The following KBTBD12 variants were observed in gnomAD, a reference collection of about 807,000 sequenced individuals.
KBTBD12 encodes kelch repeat and BTB domain containing 12.
A neutral mutation model predicts 58.7 loss-of-function variants in KBTBD12; 53 were observed. The ratio of observed to expected loss-of-function variants is 0.90; its 90% CI spans 0.72 to 1.14. KBTBD12 has a LOEUF of 1.14. Ranked by LOEUF, KBTBD12 falls within the 50% of genes most tolerant of loss-of-function variation. The probability of loss-of-function intolerance (pLI) is 0.00; values close to 1 mark genes in which losing one functional copy is unlikely to be tolerated. For missense variants in KBTBD12, 704 were observed against 751.3 expected (o/e 0.94, Z 0.74); for synonymous variants, 236 against 259.8 (o/e 0.91, Z 0.88).
At chr3:127,976,822 T>C (rs1006375388) in intron 5 of KBTBD12, among the ~76,000 whole-genome samples, 1 of 152,204 alleles carries the variant, frequency 6.6e-6, no homozygotes, top group South Asian at 2.1e-4. Flanking sequence ...GGACCTCTGT[T>C]CTTTTTGTGT....
intron 5 of KBTBD12, among the ~76,000 whole-genome samples, chr3:127,974,238 A>G (rs1940735636): frequency 6.6e-6 from 1 of 152,206 alleles, no homozygotes; most frequent in Non-Finnish European, 1.5e-5. Flanking sequence ...CACCAAAGCA[A>G]AGAAAGAAAA....
At position 127,963,369 on chromosome 3, in the gene KBTBD12, G is replaced by A. The variant is rs747694991; in HGVS notation, c.1673G>A (p.Gly558Glu). The A allele has an allele frequency of 6.2e-7, 1 of 1,610,184 alleles. No homozygotes were observed. The highest frequency in any genetic ancestry group is 1.7e-5 in the Admixed American group (1 of 59,536). Residue 558 changes from glycine (G) to glutamate (E), a missense_variant, in exon 5 of 6, where the codon GGG becomes GAG. Gly to Glu is a moderately conservative substitution (Grantham distance 98). Transcript: ENST00000405109. Reference protein sequence around the residue: ...GAVDGKLYVCGGFHGADRHEV... With the variant: ...GAVDGKLYVCEGFHGADRHEV... ...GTGGATGGGAAACTCTATGTCTGCG[G>A]GGGATTCCATGGAGCAGGTATGGGT...
At position 127,927,948 on chromosome 3, in the gene KBTBD12, G is replaced by A. The variant is rs1453194240; in HGVS notation, c.1255G>A (p.Val419Met). 6.2e-7 allele frequency: 1 copy of A among 1,613,126 alleles called. No individual in the cohort carries two copies. Among genetic ancestry groups the A allele is most frequent in the Admixed American group, 1.7e-5 (1 of 59,940 alleles). Reference protein sequence around the residue: ...YSVERDNWKRVSPLPLQLACH... With the variant: ...YSVERDNWKRMSPLPLQLACH... The stretch of plus-strand genomic sequence containing the variant: ...TGTAGAACGGGACAATTGGAAAAGG[G>A]TGTCTCCCCTTCCACTGCAATTGGC... The change falls in exon 3 of 6, where the codon GTG becomes ATG. Residue 419 changes from valine (V) to methionine (M), a missense_variant. Val to Met is a conservative substitution (Grantham distance 21). Coordinates refer to ENST00000405109, the MANE Select transcript of KBTBD12 (RefSeq NM_207335.4).
At chr3:127,937,087 C>A (rs556466699) in intron 4 of KBTBD12, among the ~76,000 whole-genome samples, 8 of 152,144 alleles carry the variant, frequency 5.3e-5, no homozygotes, top group Admixed American at 1.3e-4. Context: ...AAATCCCCCA[C>A]AAATAATTTT....
intron 4 of KBTBD12, among the ~76,000 whole-genome samples, chr3:127,946,245 A>G (rs774657136): frequency 1.1e-4 from 16 of 152,206 alleles, no homozygotes; most frequent in Non-Finnish European, 1.9e-4. Context: ...CTAAAGTTAC[A>G]GGCTTCCAAC....
At chr3:127,981,072 C>T (rs1011364298) in intron 5 of KBTBD12, among the ~76,000 whole-genome samples, 1 of 152,138 alleles carries the variant, frequency 6.6e-6, no homozygotes, top group Non-Finnish European at 1.5e-5. Context: ...AATAATCAGG[C>T]CATTTTATCC....
intron 1 of KBTBD12, among the ~76,000 whole-genome samples, chr3:127,920,390 T>C (rs1222731053): frequency 1.3e-5 from 2 of 151,566 alleles, no homozygotes; most frequent in Non-Finnish European, 2.9e-5. Context: ...ATCTAGTTCA[T>C]TCTTTTTTTT....
intron 4 of KBTBD12, among the ~76,000 whole-genome samples, chr3:127,955,906 T>C (rs1473196141): frequency 1.3e-5 from 2 of 152,206 alleles, no homozygotes; most frequent in Admixed American, 6.5e-5. Context: ...TTGCTCAAAG[T>C]GTCCTGGCAC....
chr3:127,973,217 A>G (rs1402725943), intron 5 of KBTBD12, among the ~76,000 whole-genome samples: 5 of 152,182 alleles, frequency 3.3e-5, no homozygotes, highest in South Asian at 4.1e-4. Context: ...CCTCCAGTTT[A>G]TAGGAAATAG....
intron 4 of KBTBD12, among the ~76,000 whole-genome samples, chr3:127,931,349 C>A (rs1430905353): frequency 2.0e-5 from 3 of 151,922 alleles, no homozygotes; most frequent in Non-Finnish European, 4.4e-5. Context: ...TTATGACTAC[C>A]TCAGTTATGA....
intron 4 of KBTBD12, among the ~76,000 whole-genome samples, chr3:127,955,634 A>G (rs922532851): frequency 2.6e-5 from 4 of 152,204 alleles, no homozygotes; most frequent in Non-Finnish European, 5.9e-5. Context: ...AGGAATCTGA[A>G]TTGTAGGAAA....
intron 4 of KBTBD12, among the ~76,000 whole-genome samples, chr3:127,952,624 A>G (rs1446513905): frequency 1.3e-5 from 2 of 152,250 alleles, no homozygotes; most frequent in Admixed American, 1.3e-4. Flanking sequence ...GTCATTAACA[A>G]TGTCTCCAGT....
At chr3:127,967,673 T>C (rs1940602720) in intron 5 of KBTBD12, among the ~76,000 whole-genome samples, 1 of 152,150 alleles carries the variant, frequency 6.6e-6, no homozygotes, top group Non-Finnish European at 1.5e-5. Context: ...GGAACAACTG[T>C]TTTTAAGGAA....
In KBTBD12 at chr3:127,938,609, G is replaced by A. The variant is rs577078779; in HGVS notation, c.1492+8326G>A. Among the ~76,000 whole-genome samples, 8 of 152,284 alleles carry A rather than the reference G, an allele frequency of 5.3e-5. No homozygotes were observed. The South Asian group carries it at 1.7e-3, about 32-fold the overall frequency. ...TATATTAAATGGAAATGCACTAAAT[G>A]CTTCAGTTAAAAGGCAAAGATTATC... On this transcript the variant is annotated intron_variant, in intron 4 of 5. Transcript: ENST00000405109.
intron 4 of KBTBD12, among the ~76,000 whole-genome samples, chr3:127,960,128 C>T (rs1414162446): frequency 6.6e-6 from 1 of 152,176 alleles, no homozygotes; most frequent in East Asian, 1.9e-4. Context: ...AGCACCACTG[C>T]ATTCAAGGGC....
At chr3:127,943,191 C>T (rs1044888300) in intron 4 of KBTBD12, among the ~76,000 whole-genome samples, 5 of 152,146 alleles carry the variant, frequency 3.3e-5, no homozygotes, top group Non-Finnish European at 7.4e-5. Flanking sequence ...ATTTCATTTC[C>T]TTTGTGTGTA....
intron 5 of KBTBD12, among the ~76,000 whole-genome samples, chr3:127,972,564 G>A (rs1940704301): frequency 6.6e-6 from 1 of 152,172 alleles, no homozygotes; most frequent in African/African-American, 2.4e-5. Context: ...GCAAAATAAG[G>A]AAGTTGCTGT....
intron 5 of KBTBD12, among the ~76,000 whole-genome samples, chr3:127,968,050 A>G (rs1940611448): frequency 6.6e-6 from 1 of 152,248 alleles, no homozygotes; most frequent in African/African-American, 2.4e-5. Context: ...TTGATTGTAC[A>G]GGTCTCAGCT....
chr3:127,932,214 T>A (rs1939720617), intron 4 of KBTBD12, among the ~76,000 whole-genome samples: 1 of 152,122 alleles, frequency 6.6e-6, no homozygotes, highest in African/African-American at 2.4e-5. Flanking sequence ...CCTGTAAGAT[T>A]CAGCCCAAAA....
Sources: allele counts gnomAD v4.1 joint callset (sites outside exome capture counted in the v4.1 genomes callset), GRCh38; gene constraint gnomAD v4.1.1; transcripts MANE v1.5; gene names NCBI Gene and HGNC (gene_info 2026-07-23, HGNC 2026-07-21).